ASPG: variants seen among roughly 807,000 people sequenced by gnomAD.
ASPG encodes 60 kDa lysophospholipase.
Under a neutral mutation model 63.2 loss-of-function variants are expected in ASPG, and 53 were observed. The ratio of observed to expected loss-of-function variants is 0.84; its 90% CI spans 0.67 to 1.05. The LOEUF is 1.05. Among genes scored for constraint, ASPG ranks in the 50% least tolerant of loss-of-function variants. The pLI is 0.00. For synonymous variants in ASPG, 370 were observed against 355.0 expected, an observed-to-expected ratio of 1.04 and a Z score of -0.48; for missense variants, 741 against 794.4, an observed-to-expected ratio of 0.93 and a Z score of 0.81.
chr14:104,105,179 C>A, intron 9 of ASPG, 149 bp from the exon 10 acceptor site: 1 of 1,271,856 alleles, frequency 7.9e-7, no homozygotes, highest in Admixed American at 2.1e-5. Flanking sequence ...GGGACCCAGC[C>A]CGCTCTGGCC....
At chr14:104,099,765 T>C (rs575309468) in intron 6 of ASPG, among the ~76,000 whole-genome samples, 2 of 152,300 alleles carry the variant, frequency 1.3e-5, no homozygotes, top group East Asian at 3.9e-4. Context: ...CCTGGCCCCC[T>C]GCTGTTTCAA....
chr14:104,089,534 A>C (rs2036305459), intron 1 of ASPG, among the ~76,000 whole-genome samples: 1 of 151,956 alleles, frequency 6.6e-6, no homozygotes, highest in African/African-American at 2.4e-5. Flanking sequence ...AACAAAAAAA[A>C]CTGATGCCAC....
At chr14:104,106,407 T>G (rs541734048) in intron 10 of ASPG, among the ~76,000 whole-genome samples, 1 of 152,228 alleles carries the variant, frequency 6.6e-6, no homozygotes, top group South Asian at 2.1e-4. Flanking sequence ...AACAGGGCCT[T>G]CCTTCCAGGG....
intron 1 of ASPG, 38 bp downstream of exon 1, chr14:104,085,890 C>G: frequency 6.5e-7 from 1 of 1,536,404 alleles, no homozygotes; most frequent in Non-Finnish European, 8.7e-7. Context: ...GCCTCTGGAC[C>G]TGGCCGCGAC....
chr14:104,095,816 C>G (rs2036572683), intron 4 of ASPG, among the ~76,000 whole-genome samples, 160 bp downstream of exon 4: 1 of 152,138 alleles, frequency 6.6e-6, no homozygotes. Context: ...CGCAAATGCT[C>G]AGGTCCTGCC....
rs2036651229 is a variant in ASPG, at chr14:104,097,587, G to A, written c.463G>A (p.Glu155Lys). ...CCATGCCCTGTGGAGCGACGGCCGT[G>A]AGAACCTGCTGGGGGCACTGCTCAT... ...PIHALWSDGR[E>K]NLLGALLMAG... Residue 155 changes from glutamate to lysine, a missense_variant, in exon 5 of 16, where the codon GAG becomes AAG. By Grantham distance (56) the Glu-to-Lys change is moderately conservative. Coordinates refer to ENST00000551177, the MANE Select transcript of ASPG (RefSeq NM_001080464.3). 1.1e-5 allele frequency: 17 copies of A among 1,562,610 alleles called. No homozygotes were observed. Among genetic ancestry groups the A allele is most frequent in the Non-Finnish European group, 1.5e-5 (17 of 1,154,180 alleles).
Position 104,085,860 on chromosome 14 carries a change from C to T in ASPG, c.82+8C>T. The stretch of plus-strand genomic sequence containing the variant: ...TGCGGAGTGAGCTCGGCGGTGAGTC[C>T]GAGACCCTGGGCGGGGTAGGCCTCT... On this transcript the variant is annotated splice_region_variant and intron_variant, in intron 1 of 15. Transcript: ENST00000551177. The T allele has an allele frequency of 1.9e-6, 3 of 1,579,556 alleles. No homozygotes were observed. Among genetic ancestry groups the T allele is most frequent in the Non-Finnish European group, 1.7e-6 (2 of 1,169,806 alleles).
rs1236934613 is a variant in ASPG, at chr14:104,111,603, T to C, written c.1620+2T>C. On this transcript the variant is annotated splice_donor_variant, in intron 14 of 15. Transcript: ENST00000551177. LOFTEE classifies it high-confidence loss of function. ...GACGGGCACAGCGCCCTGCACGTCGTGAGTGCCCCCACCCCCTGCACCCTC... is the reference window on the plus strand; with the variant it reads ...GACGGGCACAGCGCCCTGCACGTCGCGAGTGCCCCCACCCCCTGCACCCTC... 5.8e-6 allele frequency: 9 copies of C among 1,548,482 alleles called. No homozygotes were observed. The African/African-American group carries it at 1.2e-4, about 21-fold the overall frequency.
chr14:104,095,422 C>A, intron 3 of ASPG, 109 bp from the exon 4 acceptor site: 1 of 1,491,062 alleles, frequency 6.7e-7, no homozygotes, highest in Non-Finnish European at 9.1e-7. Context: ...CCCACGGGTG[C>A]CTCCCCTGAG....
chr14:104,095,760 G>T, intron 4 of ASPG, 104 bp downstream of exon 4: 1 of 1,466,586 alleles, frequency 6.8e-7, no homozygotes, highest in Non-Finnish European at 9.3e-7. Flanking sequence ...TTCCTGCTCA[G>T]CCCAGCAGCT....
At chr14:104,094,778 CCTT>C (rs530827023) in intron 3 of ASPG, among the ~76,000 whole-genome samples, 11 of 152,222 alleles carry the variant, frequency 7.2e-5, no homozygotes, top group Non-Finnish European at 1.5e-4. Context: ...CTCACAAAGG[CCTT>C]CTCGGCTCAG....
rs532981359 is a variant in ASPG at position 104,085,780 on chromosome 14, G to A, written c.10G>A (p.Ala4Thr). Residue 4 changes from alanine to threonine, a missense_variant, in exon 1 of 16, where the codon GCG (alanine) becomes ACG (threonine). Transcript: ENST00000551177. The part of the protein sequence containing the change: MAR[A>T]VGPERRLLAV... ...TGGTCCCCGGTCCGGCATGGCGCGC[G>A]CGGTGGGGCCCGAGCGGAGGCTGCT... The A allele has an allele frequency of 1.8e-5, 29 of 1,583,222 alleles. No homozygotes were observed. Among genetic ancestry groups the A allele is most frequent in the East Asian group, 7.1e-5 (3 of 42,474 alleles).
intron 2 of ASPG, 29 bp downstream of exon 2, chr14:104,092,770 C>A: frequency 6.6e-7 from 1 of 1,518,354 alleles, no homozygotes; most frequent in African/African-American, 1.4e-5. Flanking sequence ...CAGTCCCGGA[C>A]AGGGCATGGC....
chr14:104,110,051 C>T lies in ASPG; in HGVS notation c.1520+736C>T. 1.0e-6 allele frequency: 1 copy of T among 985,420 alleles called. No homozygotes were observed. The highest frequency in any genetic ancestry group is 4.7e-5 in the South Asian group (1 of 21,280). The allele number at this position is 985,420 out of a possible 1,614,324, so 61.0% of individuals were successfully genotyped here. A position where few individuals can be genotyped will look rare whatever the true frequency, so the allele number is the denominator to read the frequency against. On this transcript the variant is annotated intron_variant, in intron 13 of 15. Transcript: ENST00000551177. The surrounding 1 kb of genome is among the most constrained non-coding windows in gnomAD (Gnocchi z 4.7). Reference sequence around the variant, plus strand: ...CTGCCCCCCACCCCATGCCTTGTGCCTGGTGACTTGGCGCTGCCTCCTGTG... The same window carrying T: ...CTGCCCCCCACCCCATGCCTTGTGCTTGGTGACTTGGCGCTGCCTCCTGTG...
Position 104,112,982 on chromosome 14 carries a change from C to T in ASPG, c.*438C>T. 1 of 242,988 alleles carries T rather than the reference C, an allele frequency of 4.1e-6. No individual in the cohort carries two copies. The allele number at this position is 242,988 out of a possible 1,614,324, so 15.1% of individuals were successfully genotyped here. On this transcript the variant is annotated 3_prime_UTR_variant, in exon 16 of 16. Transcript: ENST00000551177. ...ACACCCTCTGCCCATCTCCTTACCT[C>T]CTGCGCCTTCATTCTGGAGCTTGAA...
rs768018123 is a variant in ASPG, at chr14:104,105,339, G to A, written c.1062G>A (p.Lys354=). ...SLDVRKELLT[K]DLRGEMTPPS... ...GTTCTCTCCACCAGCTGCTGACCAA[G>A]GACCTTCGGGGGGAGATGACGCCAC... The change falls in exon 10 of 16, where the codon AAG becomes AAA. Residue 354 remains lysine (K), a synonymous_variant. Transcript: ENST00000551177. The A allele has an allele frequency of 6.2e-7, 1 of 1,612,676 alleles. No homozygotes were observed. The highest frequency in any genetic ancestry group is 1.7e-5 in the Admixed American group (1 of 60,022).
In ASPG at chr14:104,109,373, G is replaced by A; in HGVS notation, c.1520+58G>A. Reference sequence around the variant, plus strand: ...GATGTGGGGGACACAGCTTGGGGAAGCGAAGCCAGACCTGCTGGGAGGGAC... The same window carrying A: ...GATGTGGGGGACACAGCTTGGGGAAACGAAGCCAGACCTGCTGGGAGGGAC... On this transcript the variant is annotated intron_variant, in intron 13 of 15. Transcript: ENST00000551177. This position sits in a 1 kb window ranked among gnomAD's most constrained non-coding sequence, Gnocchi z 4.8. 3 of 1,524,352 alleles carry A rather than the reference G, an allele frequency of 2.0e-6. No homozygotes were observed. Among genetic ancestry groups the A allele is most frequent in the Non-Finnish European group, 2.7e-6 (3 of 1,130,420 alleles). The allele number at this position is 1,524,352 out of a possible 1,614,324, so 94.4% of individuals were successfully genotyped here. A position where few individuals can be genotyped will look rare whatever the true frequency, so the allele number is the denominator to read the frequency against.
Position 104,095,511 on chromosome 14 carries a change from A to T in ASPG, c.304-20A>T, listed in dbSNP as rs1274590782. On this transcript the variant is annotated intron_variant, in intron 3 of 15. Transcript: ENST00000551177. ...TGCTTGCGAGGGGCTGGCCTGCCTG[A>T]GCATGCGCCCCTCCTGCAGAGGCAC... 1.9e-6 allele frequency: 3 copies of T among 1,612,070 alleles called. No homozygotes were observed. The highest frequency in any genetic ancestry group is 1.3e-5 in the African/African-American group (1 of 74,888).
intron 6 of ASPG, among the ~76,000 whole-genome samples, chr14:104,099,279 C>T (rs2036765011): frequency 4.6e-5 from 7 of 152,180 alleles, no homozygotes; most frequent in Admixed American, 4.6e-4. Flanking sequence ...TCGCCCCAGG[C>T]CTAGGAGGTC....
Sources: gnomAD v4.1 joint callset for allele counts (sites outside exome capture counted in the v4.1 genomes callset) on GRCh38, gnomAD v4.1.1 for gene constraint, Gnocchi (gnomAD v3.1) non-coding constraint, MANE v1.5 for transcripts, NCBI Gene and HGNC (gene_info 2026-07-23, HGNC 2026-07-21) for gene names.